Variants in ATR observed in about 807,000 individuals in gnomAD.
ATR encodes ATR checkpoint kinase.
In ATR, 142 loss-of-function variants were observed where a neutral mutation model predicts 305.3. That is an observed-to-expected ratio of 0.47 (90% CI 0.41 to 0.53). ATR has a LOEUF of 0.53. Among genes scored for constraint, ATR ranks in the 20% least tolerant of loss-of-function variants. The pLI is 0.00. For missense variants in ATR, 2,135 were observed against 3,133.1 expected (o/e 0.68, Z 7.60); for synonymous variants, 1,050 against 1,068.1 (o/e 0.98, Z 0.33).
At chr3:142,536,039 T>G (rs773567314) in intron 20 of ATR, 69 bp downstream of exon 20, 12 of 1,084,834 alleles carry the variant, frequency 1.1e-5, no homozygotes, top group Non-Finnish European at 1.6e-5. Flanking sequence ...GATCTTTATT[T>G]CATGTATTGG....
rs768358025 is a variant in ATR at position 142,449,578 on chromosome 3, C to T, written c.7786G>A (p.Glu2596Lys). Residue 2596 changes from glutamate to lysine, a missense_variant, in exon 47 of 47, where the codon GAG (glutamate) becomes AAG (lysine). Glu to Lys is a moderately conservative substitution (Grantham distance 56). Coordinates refer to ENST00000350721, the MANE Select transcript of ATR (RefSeq NM_001184.4). ...EKAKTHVLDI[E>K]QRLQGVIKTR... is the part of the protein sequence containing the mutation. ...TTGATTACACCTTGTAGTCGCTGCT[C>T]AATGTCAAGAACATGGGTCTTGGCC... 2.5e-6 allele frequency: 4 copies of T among 1,613,982 alleles called. No homozygotes were observed. Among genetic ancestry groups the T allele is most frequent in the South Asian group, 1.1e-5 (1 of 91,076 alleles).
chr3:142,564,585 T>C (rs1198095310), intron 3 of ATR, among the ~76,000 whole-genome samples: 1 of 152,252 alleles, frequency 6.6e-6, no homozygotes, highest in Non-Finnish European at 1.5e-5. Context: ...GTCATAGTCC[T>C]GTCCTCATGA....
chr3:142,502,006 C>T (rs1163923980), intron 30 of ATR, among the ~76,000 whole-genome samples: 5 of 152,152 alleles, frequency 3.3e-5, no homozygotes, highest in Non-Finnish European at 7.3e-5. Flanking sequence ...CTTGGCCTCC[C>T]AGAGTGCTGC....
In ATR at chr3:142,558,640, C is replaced by G. The variant is rs2108477191; in HGVS notation, c.1869G>C (p.Arg623Ser). The change falls in exon 8 of 47, where the codon AGG becomes AGC. Residue 623 changes from arginine (R) to serine (S), a missense_variant. This residue lies in a region of ATR where 744 missense variants were observed against 873.2 expected (regional missense o/e 0.85). Coordinates refer to ENST00000350721, the MANE Select transcript of ATR (RefSeq NM_001184.4). ...FAANLLTLSC[R>S]ISDSYSPQAQ... ...AGCACTTACAATAGCTATCTGAAAT[C>G]CTACAGCTTAATGTTAGAAGATTAG... is the stretch of plus-strand genomic sequence containing the variant. 6.2e-7 allele frequency: 1 copy of G among 1,612,696 alleles called. No homozygotes were observed. The highest frequency in any genetic ancestry group is 8.5e-7 in the Non-Finnish European group (1 of 1,179,252).
chr3:142,566,100 T>C, intron 3 of ATR, 21 bp downstream of exon 3: 1 of 1,613,814 alleles, frequency 6.2e-7, no homozygotes, highest in Non-Finnish European at 8.5e-7. Flanking sequence ...GGCAAGTGAA[T>C]GCATGAATAA....
At chr3:142,507,209 C>CTCT (rs755263602) in intron 28 of ATR, among the ~76,000 whole-genome samples, 1 of 152,140 alleles carries the variant, frequency 6.6e-6, no homozygotes, top group African/African-American at 2.4e-5. Context: ...CAATCTTGAG[C>CTCT]TCTTATTTAA....
intron 21 of ATR, among the ~76,000 whole-genome samples, chr3:142,526,825 G>A (rs1214226500): frequency 6.6e-6 from 1 of 150,796 alleles, no homozygotes; most frequent in African/African-American, 2.4e-5. Context: ...GTCCCGCTCT[G>A]TTGCCCTGGC....
At chr3:142,451,969 CAT>C (rs2070801722) in intron 46 of ATR, 11 of 1,113,202 alleles carry the variant, frequency 9.9e-6, no homozygotes, top group Admixed American at 3.9e-5. Flanking sequence ...CGAAAAGGAA[CAT>C]GTCCCAGAGA....
At chr3:142,543,035 A>C (rs138749349) in intron 16 of ATR, among the ~76,000 whole-genome samples, 1 of 152,200 alleles carries the variant, frequency 6.6e-6, no homozygotes, top group African/African-American at 2.4e-5. Flanking sequence ...TTAATCATGG[A>C]GTGAACTGGG....
At chr3:142,469,165 A>C (rs373402159) in intron 38 of ATR, among the ~76,000 whole-genome samples, 172 bp downstream of exon 38, 1 of 152,204 alleles carries the variant, frequency 6.6e-6, no homozygotes, top group East Asian at 1.9e-4. Context: ...AATATATCCA[A>C]ATATTAAGAT....
At chr3:142,480,383 C>G (rs148194943) in intron 36 of ATR, among the ~76,000 whole-genome samples, 1 of 152,198 alleles carries the variant, frequency 6.6e-6, no homozygotes, top group Non-Finnish European at 1.5e-5. Flanking sequence ...GTATCAGCAG[C>G]GGAGGCTGCA....
chr3:142,563,560 T>C (rs565357517), intron 3 of ATR, among the ~76,000 whole-genome samples: 1 of 152,310 alleles, frequency 6.6e-6, no homozygotes, highest in Admixed American at 6.5e-5. Flanking sequence ...ATGTATGTGT[T>C]CTGACCCACC....
intron 36 of ATR, among the ~76,000 whole-genome samples, chr3:142,474,089 G>C (rs540524973): frequency 6.6e-6 from 1 of 151,800 alleles, no homozygotes; most frequent in African/African-American, 2.4e-5. Flanking sequence ...ACCATGCCTG[G>C]CTAATTTTTG....
At chr3:142,523,456 G>A (rs1024896496) in intron 22 of ATR, among the ~76,000 whole-genome samples, 5 of 151,964 alleles carry the variant, frequency 3.3e-5, no homozygotes, top group African/African-American at 9.7e-5. Flanking sequence ...CATCTCCTAC[G>A]TTGCATTCTG....
chr3:142,558,597 C>A, intron 8 of ATR, 27 bp downstream of exon 8: 1 of 1,585,138 alleles, frequency 6.3e-7, no homozygotes, highest in South Asian at 1.1e-5. Context: ...TAAAACAAAC[C>A]ACACACACAT....
chr3:142,502,673 T>C (rs941862185), intron 30 of ATR, among the ~76,000 whole-genome samples: 5 of 152,132 alleles, frequency 3.3e-5, no homozygotes, highest in Admixed American at 6.5e-5. Context: ...CCAAAAACAG[T>C]GGCCTGTATA....
At chr3:142,489,710 T>G (rs1418252838) in intron 35 of ATR, among the ~76,000 whole-genome samples, 1 of 152,210 alleles carries the variant, frequency 6.6e-6, no homozygotes, top group African/African-American at 2.4e-5. Flanking sequence ...CATTCTTCTC[T>G]GGATGGCCAG....
rs922260105 is a variant in ATR, at chr3:142,452,881, A to T, written c.7761+247T>A. ...TTCCTACTGTATCTCATAACTGTGA[A>T]TTGTCTATGGTTAAACAAGTGTGCC... On this transcript the variant is annotated intron_variant, in intron 46 of 46. Coordinates refer to ENST00000350721, the MANE Select transcript of ATR (RefSeq NM_001184.4). 212 of 1,337,102 alleles carry T rather than the reference A, an allele frequency of 1.6e-4. 2 individuals are homozygous for T. Among genetic ancestry groups the T allele is most frequent in the Middle Eastern group, 5.8e-4 (2 of 3,424 alleles). The allele number at this position is 1,337,102 out of a possible 1,614,324, so 82.8% of individuals were successfully genotyped here.
intron 20 of ATR, 140 bp downstream of exon 20, chr3:142,535,968 C>A (rs1385487603): frequency 7.7e-6 from 5 of 646,138 alleles, no homozygotes; most frequent in Admixed American, 2.9e-5. Context: ...GTAGCATTAT[C>A]TACTCACCAG....
Sources: allele counts gnomAD v4.1 joint callset (sites outside exome capture counted in the v4.1 genomes callset), GRCh38; gene constraint gnomAD v4.1.1; regional missense constraint gnomAD v4.1.1; transcripts MANE v1.5; gene names NCBI Gene and HGNC (gene_info 2026-07-23, HGNC 2026-07-21).